Variants in DNER observed in about 807,000 individuals in gnomAD.
DNER encodes delta/notch like EGF repeat containing.
Under a neutral mutation model 78.2 loss-of-function variants are expected in DNER, and 33 were observed. That is an observed-to-expected ratio of 0.42 (90% CI 0.32 to 0.56). The LOEUF is 0.56. Ranked by LOEUF, DNER falls within the 20% of genes least tolerant of loss-of-function variation. The pLI is 0.11. For missense variants in DNER, 918 were observed against 975.3 expected (o/e 0.94, Z 0.78); for synonymous variants, 417 against 384.8 (o/e 1.08, Z -0.98).
intron 1 of DNER, among the ~76,000 whole-genome samples, chr2:229,631,482 A>G (rs1176448966): frequency 6.6e-6 from 1 of 152,208 alleles, no homozygotes; most frequent in Non-Finnish European, 1.5e-5. Context: ...GACACTTCAC[A>G]TTGCTGATGG....
chr2:229,629,135 T>C (rs1483199378), intron 1 of DNER, among the ~76,000 whole-genome samples: 1 of 152,200 alleles, frequency 6.6e-6, no homozygotes, highest in African/African-American at 2.4e-5. Flanking sequence ...ATTTAGTAAC[T>C]GTGCCTCTGT....
At chr2:229,458,167 G>T (rs1364172218) in intron 7 of DNER, among the ~76,000 whole-genome samples, 3 of 91,296 alleles carry the variant, frequency 3.3e-5, no homozygotes, top group Admixed American at 1.1e-4. Flanking sequence ...AAAAAGGAAA[G>T]TAAAAGAATA....
In DNER at chr2:229,490,011, G is replaced by A. The variant is rs147747226; in HGVS notation, c.1148-12758C>T. ...AGAAAGAAGGGGAGATCAAAGTGGAGGACAAGAGGGAAGAGGAGGAGAGGA... is the reference window on the plus strand; with the variant it reads ...AGAAAGAAGGGGAGATCAAAGTGGAAGACAAGAGGGAAGAGGAGGAGAGGA... On this transcript the variant is annotated intron_variant, in intron 6 of 12. Transcript: ENST00000341772. Among the ~76,000 whole-genome samples the A allele has an allele frequency of 2.6e-4, 40 of 152,208 alleles. 1 individual carries two copies. Among genetic ancestry groups the A allele is most frequent in the African/African-American group, 8.7e-4 (36 of 41,524 alleles).
At chr2:229,478,618 T>C (rs971202728) in intron 6 of DNER, among the ~76,000 whole-genome samples, 1 of 152,160 alleles carries the variant, frequency 6.6e-6, no homozygotes, top group Non-Finnish European at 1.5e-5. Context: ...GGAGAGTGAA[T>C]TGTTTTTAAG....
At chr2:229,574,321 AAAGG>A (rs1447028315) in intron 4 of DNER, among the ~76,000 whole-genome samples, 1 of 152,220 alleles carries the variant, frequency 6.6e-6, no homozygotes, top group East Asian at 1.9e-4. Context: ...GAAGCAGAAA[AAAGG>A]AAGAAAGAAA....
At chr2:229,577,707 C>A (rs532554627) in intron 4 of DNER, among the ~76,000 whole-genome samples, 79 of 151,822 alleles carry the variant, frequency 5.2e-4, no homozygotes, top group Middle Eastern at 6.9e-3. Flanking sequence ...GGAGAATATT[C>A]CAGGAAGAAT....
chr2:229,521,187 T>C (rs1574883174), intron 5 of DNER, among the ~76,000 whole-genome samples: 1 of 152,244 alleles, frequency 6.6e-6, no homozygotes, highest in Admixed American at 6.5e-5. Flanking sequence ...TCCTAGTTAA[T>C]GGAGGAGCTC....
At chr2:229,549,487 C>T (rs887786464) in intron 4 of DNER, among the ~76,000 whole-genome samples, 3 of 152,040 alleles carry the variant, frequency 2.0e-5, no homozygotes, top group African/African-American at 4.8e-5. Flanking sequence ...TGTATTGAGG[C>T]GGGGTGTCAC....
chr2:229,519,393 A>G (rs1266593459), intron 5 of DNER, among the ~76,000 whole-genome samples: 3 of 152,298 alleles, frequency 2.0e-5, no homozygotes, highest in South Asian at 2.1e-4. Flanking sequence ...CAGAAAATAT[A>G]CTTGTCTTTT....
At chr2:229,399,518 AG>A (rs1208066489) in intron 10 of DNER, among the ~76,000 whole-genome samples, 1 of 152,066 alleles carries the variant, frequency 6.6e-6, no homozygotes, top group African/African-American at 2.4e-5. Flanking sequence ...AATCTTTTGT[AG>A]GTATAGACAA....
intron 7 of DNER, among the ~76,000 whole-genome samples, chr2:229,454,237 G>C (rs1401675913): frequency 6.6e-6 from 1 of 152,202 alleles, no homozygotes; most frequent in Non-Finnish European, 1.5e-5. Context: ...TTTGGGGGTG[G>C]TTTGTCATGC....
chr2:229,547,105 G>C lies in DNER; in HGVS notation c.848-13C>G. On this transcript the variant is annotated splice_polypyrimidine_tract_variant and intron_variant, in intron 4 of 12. Coordinates refer to ENST00000341772, the MANE Select transcript of DNER (RefSeq NM_139072.4). Reference sequence around the variant, plus strand: ...TCATTCACAAAACCTAAAAGAAAATGAGGCAAAAGGAAATTGTCAAGTGTC... The same window carrying C: ...TCATTCACAAAACCTAAAAGAAAATCAGGCAAAAGGAAATTGTCAAGTGTC... 2 of 1,613,554 alleles carry C rather than the reference G, an allele frequency of 1.2e-6. No individual in the cohort carries two copies. Among genetic ancestry groups the C allele is most frequent in the Non-Finnish European group, 1.7e-6 (2 of 1,179,860 alleles).
At chr2:229,668,514 GTA>G (rs1387899215) in intron 1 of DNER, among the ~76,000 whole-genome samples, 194 of 8,596 alleles carry the variant, frequency 0.023, 2 homozygotes, top group African/African-American at 0.042. Flanking sequence ...ATATAGGTAA[GTA>G]TGTGTGTGTG....
intron 5 of DNER, among the ~76,000 whole-genome samples, chr2:229,513,185 A>G (rs77148117): frequency 0.015 from 2,282 of 152,364 alleles, 60 homozygotes; most frequent in African/African-American, 0.053. Flanking sequence ...TTCCTAAAAT[A>G]GAAATGAAAT....
At chr2:229,550,229 G>T (rs1574897880) in intron 4 of DNER, among the ~76,000 whole-genome samples, 1 of 151,938 alleles carries the variant, frequency 6.6e-6, no homozygotes, top group South Asian at 2.1e-4. Context: ...CTGGCCTCAA[G>T]TGATCCTCCC....
At chr2:229,710,976 T>TACACAC (rs1372271401) in intron 1 of DNER, among the ~76,000 whole-genome samples, 1 of 90,296 alleles carries the variant, frequency 1.1e-5, no homozygotes, top group African/African-American at 5.2e-5. Flanking sequence ...ATGGCATGCA[T>TACACAC]ACACGCGCAC....
intron 6 of DNER, among the ~76,000 whole-genome samples, chr2:229,512,099 TA>T (rs1695873756): frequency 1.3e-5 from 2 of 152,170 alleles, no homozygotes; most frequent in Admixed American, 1.3e-4. Flanking sequence ...AGGAATGAAT[TA>T]GGCTGGGCAA....
At chr2:229,714,031 A>G (rs548024975) in intron 1 of DNER, 117 bp downstream of exon 1, 16 of 1,057,924 alleles carry the variant, frequency 1.5e-5, no homozygotes, top group Middle Eastern at 7.0e-4. Flanking sequence ...TCTTCTTCCC[A>G]AAGTGGGAAA....
intron 1 of DNER, among the ~76,000 whole-genome samples, chr2:229,710,660 T>G (rs755321514): frequency 6.6e-6 from 1 of 152,094 alleles, no homozygotes; most frequent in Non-Finnish European, 1.5e-5. Flanking sequence ...TTCTCATGAT[T>G]TAAGATGTTT....
Sources: allele counts gnomAD v4.1 joint callset (sites outside exome capture counted in the v4.1 genomes callset), GRCh38; gene constraint gnomAD v4.1.1; transcripts MANE v1.5; gene names NCBI Gene and HGNC (gene_info 2026-07-23, HGNC 2026-07-21).